Variants in SMARCAD1 observed in about 807,000 individuals in gnomAD.
The protein encoded by SMARCAD1 is SWI/SNF-related matrix-associated actin-dependent regulator of chromatin subfamily A containing DEAD/H box 1.
In SMARCAD1, 25 loss-of-function variants were observed where a neutral mutation model predicts 127.1. The observed-to-expected ratio is 0.20, with a 90% CI of 0.14 to 0.27. The LOEUF is 0.27. Among genes scored for constraint, SMARCAD1 ranks in the 10% least tolerant of loss-of-function variants. The pLI, the probability that SMARCAD1 is intolerant of heterozygous loss-of-function variation, is 1.00. For missense variants in SMARCAD1, 807 were observed against 1,206.0 expected, an observed-to-expected ratio of 0.67 and a Z score of 4.90; for synonymous variants, 400 against 396.9, an observed-to-expected ratio of 1.01 and a Z score of -0.09.
intron 5 of SMARCAD1, among the ~76,000 whole-genome samples, chr4:94,240,117 A>G (rs1192857305): frequency 2.6e-5 from 4 of 152,222 alleles, no homozygotes; most frequent in African/African-American, 9.7e-5. Flanking sequence ...TAGGGCTCTG[A>G]TATAATTAAT....
chr4:94,208,057 C>G lies in SMARCAD1; in HGVS notation c.-63C>G, dbSNP rs1578951855. 1 of 482,838 alleles carries G rather than the reference C, an allele frequency of 2.1e-6. No individual in the cohort carries two copies. Among genetic ancestry groups the G allele is most frequent in the African/African-American group, 1.9e-5 (1 of 51,356 alleles). 29.9% of individuals were successfully genotyped at this position (482,838 alleles called of 1,614,324 possible). ...TAGGGGGTTATACTGGGGAACGTGC[C>G]TGCGCGTGCTTGGGTAAGAGGAGGT... On this transcript the variant is annotated 5_prime_UTR_variant, in exon 1 of 24. Transcript: ENST00000354268.
At chr4:94,215,424 C>A (rs139817686) in intron 2 of SMARCAD1, among the ~76,000 whole-genome samples, 1,730 of 152,056 alleles carry the variant, frequency 0.011, 36 homozygotes, top group African/African-American at 0.039. Context: ...AGTTCAAGAC[C>A]AGCTTGGGCA....
At position 94,259,127 on chromosome 4, in the gene SMARCAD1, C is replaced by T. The variant is rs111603257; in HGVS notation, c.1282-5580C>T. On this transcript the variant is annotated intron_variant, in intron 9 of 23. Transcript: ENST00000354268. ...AAAGTTCATTCCAATGGGATGTGAG[C>T]AGTGGTATGTTACAACTTTTGGAAA... Among the ~76,000 whole-genome samples, 1,415 of 152,274 alleles carry T rather than the reference C, an allele frequency of 9.3e-3. 16 individuals carry two copies. Among genetic ancestry groups the T allele is most frequent in the African/African-American group, 0.032 (1,318 of 41,562 alleles).
At chr4:94,260,861 TAAGTA>T (rs1281286507) in intron 9 of SMARCAD1, among the ~76,000 whole-genome samples, 1 of 152,090 alleles carries the variant, frequency 6.6e-6, no homozygotes, top group Non-Finnish European at 1.5e-5. Flanking sequence ...TCTCAAAAAA[TAAGTA>T]AAAGGAAGAA....
At chr4:94,265,538 C>T (rs1751611595) in intron 10 of SMARCAD1, among the ~76,000 whole-genome samples, 1 of 151,308 alleles carries the variant, frequency 6.6e-6, no homozygotes, top group Non-Finnish European at 1.5e-5. Flanking sequence ...GTGGCCAGTA[C>T]ATATTAAAGT....
intron 6 of SMARCAD1, among the ~76,000 whole-genome samples, chr4:94,246,936 AT>A (rs1245133424): frequency 6.6e-6 from 1 of 152,224 alleles, no homozygotes; most frequent in Non-Finnish European, 1.5e-5. Context: ...AGCCATATTG[AT>A]TTGCTCCAGC....
intron 6 of SMARCAD1, among the ~76,000 whole-genome samples, chr4:94,243,146 C>T (rs1177153701): frequency 6.6e-6 from 1 of 152,098 alleles, no homozygotes; most frequent in Non-Finnish European, 1.5e-5. Context: ...ACCATATTAG[C>T]CGGGCTGATC....
At chr4:94,230,568 A>C (rs1243187021) in intron 3 of SMARCAD1, among the ~76,000 whole-genome samples, 1 of 152,126 alleles carries the variant, frequency 6.6e-6, no homozygotes, top group Non-Finnish European at 1.5e-5. Context: ...TGCCCTGTAC[A>C]TTTAGGATGG....
chr4:94,264,345 A>T (rs1751431606), intron 9 of SMARCAD1, among the ~76,000 whole-genome samples: 1 of 151,984 alleles, frequency 6.6e-6, no homozygotes. Flanking sequence ...GGAAAAGTGA[A>T]TTTAAGATTT....
chr4:94,278,741 C>T lies in SMARCAD1; in HGVS notation c.2296+8C>T. 6.2e-7 allele frequency: 1 copy of T among 1,611,120 alleles called. No homozygotes were observed. The highest frequency in any genetic ancestry group is 8.5e-7 in the Non-Finnish European group (1 of 1,177,424). ...AATCTATCAATAACTTGGGTATAAT[C>T]TGATTTTTACTCTTTTATGTGAAAA... On this transcript the variant is annotated splice_region_variant and intron_variant, in intron 18 of 23. Transcript: ENST00000354268.
chr4:94,261,500 A>G (rs1750974669), intron 9 of SMARCAD1, among the ~76,000 whole-genome samples: 1 of 152,242 alleles, frequency 6.6e-6, no homozygotes, highest in South Asian at 2.1e-4. Flanking sequence ...ATTTATAACC[A>G]CTGTGAATAG....
intron 6 of SMARCAD1, among the ~76,000 whole-genome samples, chr4:94,244,685 G>T (rs1261728856): frequency 6.6e-6 from 1 of 151,810 alleles, no homozygotes; most frequent in Admixed American, 6.6e-5. Flanking sequence ...TGTATGGATG[G>T]CTGCCCACAT....
Position 94,253,020 on chromosome 4 carries a change from T to C in SMARCAD1, c.1281+13T>C, listed in dbSNP as rs760821210. ...TTGGGAGGCTCTGGTAAGGCTTTAT[T>C]CTTTTTTTCCCCTTGTATGTGTGTG... On this transcript the variant is annotated intron_variant, in intron 9 of 23. Coordinates refer to ENST00000354268, the MANE Select transcript of SMARCAD1 (RefSeq NM_020159.5). The C allele has an allele frequency of 1.9e-6, 3 of 1,609,298 alleles. No individual in the cohort carries two copies. The highest frequency in any genetic ancestry group is 2.5e-6 in the Non-Finnish European group (3 of 1,179,992).
Position 94,264,888 on chromosome 4 carries a change from C to T in SMARCAD1, c.1463C>T (p.Pro488Leu), listed in dbSNP as rs750236630. 4 of 1,612,294 alleles carry T rather than the reference C, an allele frequency of 2.5e-6. No individual in the cohort carries two copies. Among genetic ancestry groups the T allele is most frequent in the African/African-American group, 2.7e-5 (2 of 74,872 alleles). Residue 488 changes from proline (P) to leucine (L), a missense_variant, in exon 10 of 24, where the codon CCT (proline) becomes CTT (leucine). Pro to Leu is a moderately conservative substitution (Grantham distance 98). Coordinates refer to ENST00000354268, the MANE Select transcript of SMARCAD1 (RefSeq NM_020159.5). Reference sequence around the variant, plus strand: ...GGAGGTGGATGGAACATAGAACAACCTTCCATTCTAAACCAAAGGTAATCT... The same window carrying T: ...GGAGGTGGATGGAACATAGAACAACTTTCCATTCTAAACCAAAGGTAATCT... ...GNGGGWNIEQ[P>L]SILNQSLSLK...
At chr4:94,242,371 A>G (rs1348642254) in intron 6 of SMARCAD1, among the ~76,000 whole-genome samples, 1 of 151,984 alleles carries the variant, frequency 6.6e-6, no homozygotes, top group Non-Finnish European at 1.5e-5. Context: ...TTATATTCTG[A>G]GATGTTCAGC....
chr4:94,244,564 G>A (rs948320220), intron 6 of SMARCAD1, among the ~76,000 whole-genome samples: 27 of 152,166 alleles, frequency 1.8e-4, no homozygotes, highest in African/African-American at 5.8e-4. Context: ...TGGCACCAGT[G>A]CCAAATGGAG....
At position 94,277,166 on chromosome 4, in the gene SMARCAD1, A is replaced by G; in HGVS notation, c.2082+7A>G. The G allele has an allele frequency of 1.2e-6, 2 of 1,613,822 alleles. No homozygotes were observed. Among genetic ancestry groups the G allele is most frequent in the South Asian group, 1.1e-5 (1 of 91,072 alleles). ...AATGTTTTCCTCTAAGACAGTAAGC[A>G]TAAATGCATATTTTCTCCCAAATAT... On this transcript the variant is annotated splice_region_variant and intron_variant, in intron 16 of 23. Coordinates refer to ENST00000354268, the MANE Select transcript of SMARCAD1 (RefSeq NM_020159.5).
chr4:94,275,802 T>TTTATTTTATTTTA (rs1553920718), intron 14 of SMARCAD1, among the ~76,000 whole-genome samples: 6 of 144,724 alleles, frequency 4.1e-5, no homozygotes, highest in South Asian at 2.2e-4. Context: ...TTTTCTTTTT[T>TTTATTTTATTTTA]TTTTTTTTTT....
intron 9 of SMARCAD1, among the ~76,000 whole-genome samples, chr4:94,259,700 C>T (rs965143329): frequency 6.6e-6 from 1 of 152,186 alleles, no homozygotes; most frequent in Non-Finnish European, 1.5e-5. Flanking sequence ...AATTTAAGCA[C>T]ACAGTGTTAT....
Sources: allele counts gnomAD v4.1 joint callset (sites outside exome capture counted in the v4.1 genomes callset), GRCh38; gene constraint gnomAD v4.1.1; transcripts MANE v1.5; gene names NCBI Gene and HGNC (gene_info 2026-07-23, HGNC 2026-07-21).